Variants in AGBL1 observed in about 807,000 individuals in gnomAD.
The protein encoded by AGBL1 is cytosolic carboxypeptidase 4.
A neutral mutation model predicts 118.9 loss-of-function variants in AGBL1; 130 were observed. The observed-to-expected ratio is 1.09, with a 90% CI of 0.95 to 1.26. AGBL1 has a LOEUF of 1.26. Among genes scored for constraint, AGBL1 ranks in the 50% most tolerant of loss-of-function variants. AGBL1 has a pLI of 0.00. For synonymous variants in AGBL1, 555 were observed against 478.9 expected (o/e 1.16, Z -2.08); for missense variants, 1,584 against 1,298.1 (o/e 1.22, Z -3.38).
At chr15:86,277,139 A>G (rs977342716) in intron 15 of AGBL1, among the ~76,000 whole-genome samples, 2 of 146,358 alleles carry the variant, frequency 1.4e-5, no homozygotes, top group Non-Finnish European at 3.0e-5. Context: ...TAAGGTGTTT[A>G]TAATAAGATT....
intron 22 of AGBL1, among the ~76,000 whole-genome samples, chr15:86,680,867 G>A (rs950908047): frequency 6.6e-5 from 10 of 151,872 alleles, no homozygotes; most frequent in African/African-American, 2.4e-4. Context: ...GCACCTGGCC[G>A]CACCCTGTCT....
chr15:86,577,396 A>G (rs988918090), intron 21 of AGBL1, among the ~76,000 whole-genome samples: 1 of 152,196 alleles, frequency 6.6e-6, no homozygotes, highest in African/African-American at 2.4e-5. Context: ...GGGTGCTGTT[A>G]AAGACATTCA....
intron 1 of AGBL1, among the ~76,000 whole-genome samples, chr15:86,134,551 C>T (rs765533428): frequency 1.4e-5 from 2 of 147,538 alleles, no homozygotes; most frequent in Non-Finnish European, 3.0e-5. Flanking sequence ...GAGAGGGGGA[C>T]TACAGGATCC....
rs1026317938 is a variant in AGBL1 at position 86,356,365 on chromosome 15, C to T, written c.2375-41001C>T. Reference sequence around the variant, plus strand: ...GTGTGTGTGTGTGTGTGCGCGTGCGCCCGCACGCACGCGCATGTGTCAGAG... The same window carrying T: ...GTGTGTGTGTGTGTGTGCGCGTGCGTCCGCACGCACGCGCATGTGTCAGAG... On this transcript the variant is annotated intron_variant, in intron 17 of 22. Transcript: ENST00000614907. Among the ~76,000 whole-genome samples, 3 of 150,592 alleles carry T rather than the reference C, an allele frequency of 2.0e-5. 1 individual carries two copies. Among genetic ancestry groups the T allele is most frequent in the Non-Finnish European group, 4.4e-5 (3 of 67,444 alleles).
chr15:86,599,784 T>C (rs2084466218), intron 21 of AGBL1, among the ~76,000 whole-genome samples: 1 of 152,148 alleles, frequency 6.6e-6, no homozygotes, highest in Non-Finnish European at 1.5e-5. Flanking sequence ...ATGCTCATTC[T>C]GAACAGTTGT....
intron 18 of AGBL1, among the ~76,000 whole-genome samples, chr15:86,415,350 T>C (rs1269474874): frequency 6.6e-6 from 1 of 152,156 alleles, no homozygotes; most frequent in Non-Finnish European, 1.5e-5. Context: ...CTAACGGTAC[T>C]CTGAGGGATA....
At chr15:86,398,230 G>C (rs749835678) in intron 18 of AGBL1, among the ~76,000 whole-genome samples, 4 of 152,156 alleles carry the variant, frequency 2.6e-5, no homozygotes, top group Non-Finnish European at 4.4e-5. Flanking sequence ...GAGCTCTGTT[G>C]AAATGGACCA....
intron 23 of AGBL1, among the ~76,000 whole-genome samples, chr15:86,986,589 A>C (rs995311044): frequency 1.3e-5 from 2 of 152,202 alleles, no homozygotes; most frequent in Non-Finnish European, 2.9e-5. Context: ...GAAGATGTAG[A>C]GGAGTCATAT....
At chr15:86,481,796 C>T (rs1057354209) in intron 18 of AGBL1, among the ~76,000 whole-genome samples, 5 of 152,092 alleles carry the variant, frequency 3.3e-5, no homozygotes, top group Non-Finnish European at 7.4e-5. Flanking sequence ...TGGCGGTCAC[C>T]TGGTTTGTTG....
intron 17 of AGBL1, among the ~76,000 whole-genome samples, chr15:86,313,707 A>G (rs1451476807): frequency 6.6e-6 from 1 of 152,222 alleles, no homozygotes; most frequent in African/African-American, 2.4e-5. Flanking sequence ...TATTGACTTC[A>G]AGTTATTATA....
intron 18 of AGBL1, among the ~76,000 whole-genome samples, chr15:86,492,795 G>A (rs1339160671): frequency 6.6e-6 from 1 of 152,118 alleles, no homozygotes; most frequent in East Asian, 1.9e-4. Context: ...CAAGGTCATA[G>A]GAGGTAGAAG....
chr15:86,878,826 C>T (rs2079850838), intron 22 of AGBL1, among the ~76,000 whole-genome samples: 2 of 152,244 alleles, frequency 1.3e-5, no homozygotes, highest in Non-Finnish European at 2.9e-5. Context: ...ATAACCTCCA[C>T]AGCAGCTGTG....
chr15:86,707,318 TG>T (rs1292303306), intron 22 of AGBL1, among the ~76,000 whole-genome samples: 1 of 152,174 alleles, frequency 6.6e-6, no homozygotes, highest in East Asian at 1.9e-4. Flanking sequence ...TTTTTCTTGA[TG>T]GTGTCATGGG....
At chr15:86,135,770 A>T (rs1474451112) in intron 1 of AGBL1, among the ~76,000 whole-genome samples, 1 of 152,136 alleles carries the variant, frequency 6.6e-6, no homozygotes, top group Non-Finnish European at 1.5e-5. Context: ...CCTCCAGTTG[A>T]GGGGTAGAGT....
chr15:86,548,898 C>G (rs116363298), intron 20 of AGBL1, among the ~76,000 whole-genome samples: 209 of 152,130 alleles, frequency 1.4e-3, no homozygotes, highest in African/African-American at 4.9e-3. Flanking sequence ...GGGGAGGCCT[C>G]AGAAAGCTTC....
chr15:86,538,734 C>A (rs1431910937), intron 19 of AGBL1, among the ~76,000 whole-genome samples: 1 of 152,136 alleles, frequency 6.6e-6, no homozygotes, highest in Non-Finnish European at 1.5e-5. Context: ...AGGAATGAGA[C>A]CCAGATGTCA....
intron 18 of AGBL1, among the ~76,000 whole-genome samples, chr15:86,432,524 T>G (rs185801788): frequency 6.6e-6 from 1 of 152,240 alleles, no homozygotes; most frequent in Non-Finnish European, 1.5e-5. Flanking sequence ...TATTGTATTC[T>G]ATTAAGAGAG....
chr15:86,852,845 C>G (rs1415626293), intron 22 of AGBL1, among the ~76,000 whole-genome samples: 1 of 152,184 alleles, frequency 6.6e-6, no homozygotes, highest in Admixed American at 6.5e-5. Context: ...GCTCTCAGGC[C>G]TGGTTGCATA....
At chr15:86,402,375 T>G (rs1172078530) in intron 18 of AGBL1, among the ~76,000 whole-genome samples, 2 of 152,122 alleles carry the variant, frequency 1.3e-5, no homozygotes, top group African/African-American at 4.8e-5. Context: ...TAGGGTTTTC[T>G]AGGTATATAA....
Sources: gnomAD v4.1 joint callset for allele counts (sites outside exome capture counted in the v4.1 genomes callset) on GRCh38, gnomAD v4.1.1 for gene constraint, MANE v1.5 for transcripts, NCBI Gene and HGNC (gene_info 2026-07-23, HGNC 2026-07-21) for gene names.